The following RASAL2 variants were observed in gnomAD, a reference collection of about 807,000 sequenced individuals.
RASAL2 encodes ras GTPase-activating protein nGAP.
RASAL2 carries 58 observed loss-of-function variants against 128.9 expected under a neutral mutation model. The ratio of observed to expected loss-of-function variants is 0.45; its 90% CI spans 0.36 to 0.56. RASAL2 has a LOEUF of 0.56. RASAL2 is among the 20% of genes least tolerant of loss of function. The probability of loss-of-function intolerance (pLI) is 0.00; values close to 1 mark genes in which losing one functional copy is unlikely to be tolerated. For missense variants in RASAL2, 1,360 were observed against 1,601.6 expected, an observed-to-expected ratio of 0.85 and a Z score of 2.57; for synonymous variants, 561 against 580.8, an observed-to-expected ratio of 0.97 and a Z score of 0.49.
At chr1:178,311,253 A>ACACACACACACACACACACACACAC (rs1668232217) in intron 3 of RASAL2, among the ~76,000 whole-genome samples, 1 of 143,602 alleles carries the variant, frequency 7.0e-6, no homozygotes, top group African/African-American at 2.6e-5. Flanking sequence ...CACACACACA[A>ACACACACACACACACACACACACAC]ACACACACAC....
intron 1 of RASAL2, among the ~76,000 whole-genome samples, chr1:178,234,104 A>G (rs2102030321): frequency 1.3e-5 from 2 of 152,300 alleles, no homozygotes. Context: ...ATTAAGGAAT[A>G]TTTTTATGTT....
At chr1:178,155,422 C>G (rs544450387) in intron 1 of RASAL2, among the ~76,000 whole-genome samples, 1 of 145,166 alleles carries the variant, frequency 6.9e-6, no homozygotes, top group African/African-American at 2.5e-5. Context: ...TTTTTTTTTA[C>G]CCCTGAAGAA....
chr1:178,361,535 G>T (rs1671106955), intron 3 of RASAL2, among the ~76,000 whole-genome samples: 1 of 152,058 alleles, frequency 6.6e-6, no homozygotes, highest in South Asian at 2.1e-4. Flanking sequence ...TTCTGCATAT[G>T]TGTGGATTCA....
intron 3 of RASAL2, among the ~76,000 whole-genome samples, chr1:178,383,884 T>G (rs1672411584): frequency 6.6e-6 from 1 of 152,250 alleles, no homozygotes; most frequent in South Asian, 2.1e-4. Context: ...TATAGTGAAG[T>G]GGACTCATTC....
chr1:178,172,226 A>G (rs1661729508), intron 1 of RASAL2, among the ~76,000 whole-genome samples: 1 of 152,040 alleles, frequency 6.6e-6, no homozygotes, highest in Non-Finnish European at 1.5e-5. Context: ...AATCAATTAT[A>G]TCTACAAATT....
At chr1:178,246,408 C>A (rs186556419) in intron 1 of RASAL2, among the ~76,000 whole-genome samples, 11 of 152,264 alleles carry the variant, frequency 7.2e-5, no homozygotes, top group African/African-American at 2.4e-4. Context: ...GATTTTTGCA[C>A]ATTGATTTTG....
At chr1:178,185,505 A>T (rs922333807) in intron 1 of RASAL2, among the ~76,000 whole-genome samples, 35 of 150,884 alleles carry the variant, frequency 2.3e-4, no homozygotes, top group Non-Finnish European at 4.7e-4. Context: ...AAGGTTTTTT[A>T]AATTTTTTTT....
chr1:178,460,465 G>T (rs1025788814), intron 14 of RASAL2, among the ~76,000 whole-genome samples: 1 of 152,016 alleles, frequency 6.6e-6, no homozygotes, highest in Non-Finnish European at 1.5e-5. Context: ...AATACCTATC[G>T]CATAAGCACA....
chr1:178,322,033 G>C (rs1282308168), intron 3 of RASAL2, among the ~76,000 whole-genome samples: 1 of 151,256 alleles, frequency 6.6e-6, no homozygotes, highest in East Asian at 2.0e-4. Flanking sequence ...GGGTCTCACC[G>C]TGTTGCCCAG....
intron 1 of RASAL2, among the ~76,000 whole-genome samples, chr1:178,138,527 A>G (rs1013294206): frequency 2.0e-5 from 3 of 152,188 alleles, no homozygotes; most frequent in Non-Finnish European, 2.9e-5. Flanking sequence ...TGTATAAGCC[A>G]TATAACCTTG....
At chr1:178,142,512 A>G (rs989454873) in intron 1 of RASAL2, among the ~76,000 whole-genome samples, 3 of 152,174 alleles carry the variant, frequency 2.0e-5, no homozygotes, top group South Asian at 2.1e-4. Flanking sequence ...AGCATTTCGT[A>G]TGGGCTAAGT....
chr1:178,161,705 T>A (rs1180944818), intron 1 of RASAL2, among the ~76,000 whole-genome samples: 1 of 152,152 alleles, frequency 6.6e-6, no homozygotes, highest in East Asian at 1.9e-4. Flanking sequence ...CATTTTATAT[T>A]CCCACCAGCA....
chr1:178,330,973 C>T (rs1397684392), intron 3 of RASAL2, among the ~76,000 whole-genome samples: 1 of 152,112 alleles, frequency 6.6e-6, no homozygotes, highest in African/African-American at 2.4e-5. Flanking sequence ...TCACATAACC[C>T]TATAAGGTGG....
intron 3 of RASAL2, among the ~76,000 whole-genome samples, chr1:178,327,357 A>C (rs1279730573): frequency 6.6e-6 from 1 of 152,008 alleles, no homozygotes; most frequent in Non-Finnish European, 1.5e-5. Context: ...TTATTTATTT[A>C]TATTTCGAGA....
chr1:178,372,757 A>G (rs1264678894), intron 3 of RASAL2, among the ~76,000 whole-genome samples: 1 of 152,200 alleles, frequency 6.6e-6, no homozygotes, highest in East Asian at 1.9e-4. Context: ...GCAAGGTGTG[A>G]AATATTTGTA....
chr1:178,417,682 C>T (rs1157003193), intron 4 of RASAL2, among the ~76,000 whole-genome samples: 2 of 149,400 alleles, frequency 1.3e-5, no homozygotes, highest in Non-Finnish European at 3.0e-5. Context: ...GAGCTTGAAC[C>T]TGGGAGGCGG....
At chr1:178,447,987 C>T (rs1401439014) in intron 9 of RASAL2, among the ~76,000 whole-genome samples, 5 of 152,078 alleles carry the variant, frequency 3.3e-5, no homozygotes, top group Admixed American at 2.0e-4. Flanking sequence ...TAGGAAATCT[C>T]AGGGGTTTTA....
At chr1:178,159,505 G>A (rs1046277000) in intron 1 of RASAL2, among the ~76,000 whole-genome samples, 4 of 152,168 alleles carry the variant, frequency 2.6e-5, no homozygotes, top group African/African-American at 9.7e-5. Context: ...AAATGATACA[G>A]GGAAAGTGTT....
intron 3 of RASAL2, among the ~76,000 whole-genome samples, chr1:178,363,255 A>G (rs1445028485): frequency 6.6e-6 from 1 of 152,024 alleles, no homozygotes; most frequent in Admixed American, 6.6e-5. Context: ...CATTTTCCTG[A>G]TGATTAGTGA....
Sources: allele counts gnomAD v4.1 joint callset (sites outside exome capture counted in the v4.1 genomes callset), GRCh38; gene constraint gnomAD v4.1.1; transcripts MANE v1.5; gene names NCBI Gene and HGNC (gene_info 2026-07-23, HGNC 2026-07-21).